MAP3K21: variants seen among roughly 807,000 people sequenced by gnomAD.
MAP3K21 encodes the protein mitogen-activated protein kinase kinase kinase 21.
A neutral mutation model predicts 86.1 loss-of-function variants in MAP3K21; 63 were observed. The ratio of observed to expected loss-of-function variants is 0.73; its 90% CI spans 0.60 to 0.90. The LOEUF (loss-of-function observed/expected upper bound fraction) is 0.90. MAP3K21 is among the 40% of genes least tolerant of loss of function. The probability of loss-of-function intolerance (pLI) is 0.00; values close to 1 mark genes in which losing one functional copy is unlikely to be tolerated. For missense variants in MAP3K21, 1,220 were observed against 1,367.7 expected (o/e 0.89, Z 1.70); for synonymous variants, 558 against 564.8 (o/e 0.99, Z 0.17).
At chr1:233,344,390 C>G (rs1483564595) in intron 1 of MAP3K21, among the ~76,000 whole-genome samples, 1 of 152,084 alleles carries the variant, frequency 6.6e-6, no homozygotes, top group Non-Finnish European at 1.5e-5. Context: ...GAGAGATAGA[C>G]CAATGGAACA....
Position 233,383,938 on chromosome 1 carries a change from A to C in MAP3K21, c.*1227A>C, listed in dbSNP as rs1013311171. Reference sequence around the variant, plus strand: ...TTATCTATGAATCACTTTTATGGTCATACATATATGATACAAATCCAGAGT... The same window carrying C: ...TTATCTATGAATCACTTTTATGGTCCTACATATATGATACAAATCCAGAGT... On this transcript the variant is annotated 3_prime_UTR_variant, in exon 10 of 10. Transcript: ENST00000366624. 11 of 152,334 alleles carry C rather than the reference A, an allele frequency of 7.2e-5. No homozygotes were observed. The highest frequency in any genetic ancestry group is 5.9e-4 in the Admixed American group (9 of 15,306). The allele number at this position is 152,334 out of a possible 1,614,324, so 9.4% of individuals were successfully genotyped here. A position where few individuals can be genotyped will look rare whatever the true frequency, so the allele number is the denominator to read the frequency against.
Position 233,328,868 on chromosome 1 carries a change from C to T in MAP3K21, c.805+35C>T. 6.8e-7 allele frequency: 1 copy of T among 1,461,438 alleles called. No individual in the cohort carries two copies. The highest frequency in any genetic ancestry group is 9.1e-7 in the Non-Finnish European group (1 of 1,100,856). 90.5% of individuals were successfully genotyped at this position (1,461,438 alleles called of 1,614,324 possible). The stretch of plus-strand genomic sequence containing the variant: ...GCCAGAGGGAGGTGGGGGAAGACTA[C>T]CTCCGTGCCAGCCCAGGCGGGCTCC... On this transcript the variant is annotated intron_variant, in intron 1 of 9. Coordinates refer to ENST00000366624, the MANE Select transcript of MAP3K21 (RefSeq NM_032435.3). This position sits in a 1 kb window ranked among gnomAD's most constrained non-coding sequence, Gnocchi z 8.7.
intron 1 of MAP3K21, among the ~76,000 whole-genome samples, chr1:233,338,304 A>G (rs907429788): frequency 3.3e-5 from 5 of 152,204 alleles, no homozygotes; most frequent in African/African-American, 9.6e-5. Context: ...CATTTATACA[A>G]CAGTTACTTG....
Position 233,328,066 on chromosome 1 carries a change from C to A in MAP3K21, c.38C>A (p.Pro13Gln). Residue 13 changes from proline (P) to glutamine (Q), a missense_variant, in exon 1 of 10, where the codon CCG becomes CAG. By Grantham distance (76) the Pro-to-Gln change is moderately conservative. Around this residue, in one of 5 missense-constraint regions of MAP3K21, gnomAD observed 369 missense variants for 385.3 expected, o/e 0.96. Transcript: ENST00000366624. This position sits in a 1 kb window ranked among gnomAD's most constrained non-coding sequence, Gnocchi z 8.7. The part of the protein sequence containing the change: ...LRGAAGATDT[P>Q]VSSAGGAPGG... The stretch of plus-strand genomic sequence containing the variant: ...GGCGCCGCGGGAGCGACCGACACCC[C>A]GGTGTCCTCGGCCGGGGGAGCCCCC... 7.4e-7 allele frequency: 1 copy of A among 1,342,806 alleles called. No individual in the cohort carries two copies. Among genetic ancestry groups the A allele is most frequent in the South Asian group, 1.9e-5 (1 of 52,710 alleles). The allele number at this position is 1,342,806 out of a possible 1,614,324, so 83.2% of individuals were successfully genotyped here.
Position 233,379,304 on chromosome 1 carries a change from G to A in MAP3K21, c.2298G>A (p.Arg766=). 1 of 1,614,214 alleles carries A rather than the reference G, an allele frequency of 6.2e-7. No homozygotes were observed. Among genetic ancestry groups the A allele is most frequent in the Admixed American group, 1.7e-5 (1 of 60,030 alleles). The part of the protein sequence containing the change: ...EKKKREGIFQ[R]ASKSRRSASP... ...AGAAACGAGAGGGAATCTTCCAGCG[G>A]GCTTCCAAGTCCCGCAGAAGCGCCA... Residue 766 remains arginine, a synonymous_variant, in exon 9 of 10, where the codon CGG becomes CGA. Transcript: ENST00000366624.
rs750380229 is a variant in MAP3K21 at position 233,382,424 on chromosome 1, G to A, written c.2824G>A (p.Val942Met). 42 of 1,613,948 alleles carry A rather than the reference G, an allele frequency of 2.6e-5. No individual in the cohort carries two copies. Among genetic ancestry groups the A allele is most frequent in the African/African-American group, 5.3e-5 (4 of 74,882 alleles). Residue 942 changes from valine (V) to methionine (M), a missense_variant, in exon 10 of 10, where the codon GTG (valine) becomes ATG (methionine). Val to Met is a conservative substitution (Grantham distance 21). Transcript: ENST00000366624. Reference sequence around the variant, plus strand: ...CAAGAAGCACAGCACTGTCCACATCGTGCCTCAGCGTCGCCCTGCCTCCCT... The same window carrying A: ...CAAGAAGCACAGCACTGTCCACATCATGCCTCAGCGTCGCCCTGCCTCCCT... ...SPKKHSTVHI[V>M]PQRRPASLRS... is the part of the protein sequence containing the mutation.
At chr1:233,362,891 G>A (rs1323769660) in intron 5 of MAP3K21, among the ~76,000 whole-genome samples, 1 of 152,126 alleles carries the variant, frequency 6.6e-6, no homozygotes, top group Non-Finnish European at 1.5e-5. Flanking sequence ...TTAGTAATGT[G>A]TTAGGAGAAA....
At position 233,328,086 on chromosome 1, in the gene MAP3K21, GC is replaced by G. The variant is rs1558446909; in HGVS notation, c.63del (p.Gly22AlafsTer36). The G allele has an allele frequency of 1.2e-5, 16 of 1,363,720 alleles. No individual in the cohort carries two copies. Among genetic ancestry groups the G allele is most frequent in the South Asian group, 5.3e-5 (3 of 56,740 alleles). 84.5% of individuals were successfully genotyped at this position (1,363,720 alleles called of 1,614,324 possible). On this transcript the variant is annotated frameshift_variant, in exon 1 of 10. Transcript: ENST00000366624. LOFTEE classifies it high-confidence loss of function. The surrounding 1 kb of genome is among the most constrained non-coding windows in gnomAD (Gnocchi z 8.7). ...CACCCCGGTGTCCTCGGCCGGGGGA[GC>G]CCCCGGCGGCTCAGCGTCCTCGTCG... ...TDTPVSSAGG[A>X]PGGSASSSST...
At chr1:233,330,908 A>G (rs1001873918) in intron 1 of MAP3K21, among the ~76,000 whole-genome samples, 1 of 152,344 alleles carries the variant, frequency 6.6e-6, no homozygotes, top group South Asian at 2.1e-4. Flanking sequence ...TCAATCAACA[A>G]TCCATAGCAA....
intron 1 of MAP3K21, among the ~76,000 whole-genome samples, chr1:233,334,308 T>C (rs1662873409): frequency 6.6e-6 from 1 of 152,096 alleles, no homozygotes; most frequent in African/African-American, 2.4e-5. Context: ...TCTGGCTCTA[T>C]CTAGCATTGC....
chr1:233,376,719 G>A (rs1209693929), intron 8 of MAP3K21, among the ~76,000 whole-genome samples, 192 bp downstream of exon 8: 2 of 152,136 alleles, frequency 1.3e-5, no homozygotes, highest in African/African-American at 4.8e-5. Flanking sequence ...GAAGTAATTA[G>A]GCTTCACGTG....
At chr1:233,380,529 A>G (rs1258563083) in intron 9 of MAP3K21, among the ~76,000 whole-genome samples, 1 of 152,216 alleles carries the variant, frequency 6.6e-6, no homozygotes, top group Non-Finnish European at 1.5e-5. Flanking sequence ...AGTTCACCCC[A>G]TGACAGCAAG....
chr1:233,328,170 G>T lies in MAP3K21; in HGVS notation c.142G>T (p.Asp48Tyr). The change falls in exon 1 of 10, where the codon GAC becomes TAC. Residue 48 changes from aspartate to tyrosine, a missense_variant. By Grantham distance (160) the Asp-to-Tyr change is radical. Transcript: ENST00000366624. This position sits in a 1 kb window ranked among gnomAD's most constrained non-coding sequence, Gnocchi z 8.7. ...AGAGLWAALY[D>Y]YEARGEDELS... Reference sequence around the variant, plus strand: ...CGCGGGGCTGTGGGCCGCGCTCTATGACTACGAGGCTCGCGGCGAGGACGA... The same window carrying T: ...CGCGGGGCTGTGGGCCGCGCTCTATTACTACGAGGCTCGCGGCGAGGACGA... The T allele has an allele frequency of 1.4e-6, 2 of 1,471,638 alleles. No homozygotes were observed. Among genetic ancestry groups the T allele is most frequent in the East Asian group, 3.0e-5 (1 of 33,506 alleles). The allele number at this position is 1,471,638 out of a possible 1,614,324, so 91.2% of individuals were successfully genotyped here.
intron 1 of MAP3K21, among the ~76,000 whole-genome samples, chr1:233,336,395 G>A (rs1261656656): frequency 6.6e-6 from 1 of 151,976 alleles, no homozygotes; most frequent in Non-Finnish European, 1.5e-5. Context: ...ACAGAAATTA[G>A]CCGGACGTGG....
rs374695182 is a variant in MAP3K21 at position 233,375,964 on chromosome 1, G to A, written c.1724G>A (p.Arg575Gln). ...NKTWGRNTVF[R>Q]QEEFEDVKRN... ...ACTTGGGGAAGGAACACAGTCTTTC[G>A]ACAAGAAGAATTTGAGGATGTAAAA... Residue 575 changes from arginine (R) to glutamine (Q), a missense_variant, in exon 7 of 10, where the codon CGA (arginine) becomes CAA (glutamine). Arg to Gln is a conservative substitution (Grantham distance 43). Coordinates refer to ENST00000366624, the MANE Select transcript of MAP3K21 (RefSeq NM_032435.3). The A allele has an allele frequency of 1.4e-5, 22 of 1,609,700 alleles. No individual in the cohort carries two copies. Among genetic ancestry groups the A allele is most frequent in the Admixed American group, 1.0e-4 (6 of 59,050 alleles).
rs373332852 is a variant in MAP3K21 at position 233,379,284 on chromosome 1, C to T, written c.2278C>T (p.Arg760Ter). ...GTTGCCCAAGGAAGAGAAGAAGAAACGAGAGGGAATCTTCCAGCGGGCTTC... is the reference window on the plus strand; with the variant it reads ...GTTGCCCAAGGAAGAGAAGAAGAAATGAGAGGGAATCTTCCAGCGGGCTTC... ...EPLPKEEKKK[R>*]EGIFQRASKS... The change falls in exon 9 of 10, where the codon CGA becomes TGA. Residue 760 changes from arginine (R) to a stop codon, truncating the protein, a stop_gained. Coordinates refer to ENST00000366624, the MANE Select transcript of MAP3K21 (RefSeq NM_032435.3). LOFTEE classifies it high-confidence loss of function. 9.9e-5 allele frequency: 159 copies of T among 1,614,076 alleles called. No homozygotes were observed. The highest frequency in any genetic ancestry group is 2.7e-4 in the East Asian group (12 of 44,888).
chr1:233,377,655 C>T (rs1663825473), intron 8 of MAP3K21, among the ~76,000 whole-genome samples: 1 of 152,184 alleles, frequency 6.6e-6, no homozygotes, highest in African/African-American at 2.4e-5. Flanking sequence ...TCATGGAAGA[C>T]AGTTTTTCCA....
intron 6 of MAP3K21, chr1:233,372,965 T>A (rs1278346887): frequency 6.6e-6 from 1 of 151,870 alleles, no homozygotes; most frequent in African/African-American, 2.4e-5. Context: ...AAAAAAAAAA[T>A]CCAAAAGAAA....
intron 5 of MAP3K21, among the ~76,000 whole-genome samples, chr1:233,365,979 G>A (rs182317385): frequency 6.6e-6 from 1 of 152,186 alleles, no homozygotes; most frequent in South Asian, 2.1e-4. Flanking sequence ...AGACAATGTG[G>A]TGTGTTTACC....
Sources: gnomAD v4.1 joint callset for allele counts (sites outside exome capture counted in the v4.1 genomes callset) on GRCh38, gnomAD v4.1.1 for gene constraint, gnomAD v4.1.1 regional missense constraint, Gnocchi (gnomAD v3.1) non-coding constraint, MANE v1.5 for transcripts, NCBI Gene and HGNC (gene_info 2026-07-23, HGNC 2026-07-21) for gene names.